Variants in PIK3R3 observed in about 807,000 individuals in gnomAD.
PIK3R3 encodes phosphoinositide-3-kinase regulatory subunit 3.
Under a neutral mutation model 62.9 loss-of-function variants are expected in PIK3R3, and 64 were observed. The observed-to-expected ratio is 1.02, with a 90% CI of 0.83 to 1.25. The LOEUF (loss-of-function observed/expected upper bound fraction) is 1.25, where lower values mean the gene tolerates loss of function less well. PIK3R3 is among the 50% of genes most tolerant of loss of function. The pLI is 0.00. For synonymous variants in PIK3R3, 165 were observed against 189.0 expected (o/e 0.87, Z 1.04); for missense variants, 614 against 561.6 (o/e 1.09, Z -0.94).
rs1321349121 is a variant in PIK3R3 at position 46,066,990 on chromosome 1, T to C, written c.416A>G (p.His139Arg). ...TFNSVVELIN[H>R]YHHESLAQYN... ...CTGAGCAAGAGATTCATGGTGATAG[T>C]GGTTAATGAGCTCCACCACGGAATT... The change falls in exon 4 of 10, where the codon CAC becomes CGC. Residue 139 changes from histidine to arginine, a missense_variant. Physicochemically the swap from His to Arg is conservative, Grantham distance 29 (BLOSUM62 0). Coordinates refer to ENST00000262741, the MANE Select transcript of PIK3R3 (RefSeq NM_003629.4). 1.9e-6 allele frequency: 3 copies of C among 1,610,506 alleles called. No individual in the cohort carries two copies. The highest frequency in any genetic ancestry group is 2.5e-6 in the Non-Finnish European group (3 of 1,178,420).
intron 3 of PIK3R3, among the ~76,000 whole-genome samples, chr1:46,074,772 G>A (rs144238062): frequency 2.3e-4 from 35 of 152,230 alleles, no homozygotes; most frequent in African/African-American, 8.4e-4. Flanking sequence ...CCTCATCAGG[G>A]TCTTCCCACA....
chr1:46,147,602 G>A, the PIK3R3 span, among the ~76,000 whole-genome samples: 1 of 151,682 alleles, frequency 6.6e-6, no homozygotes, highest in Admixed American at 6.6e-5. Flanking sequence ...TGTATTTTTA[G>A]TAGAGACGGA....
chr1:46,171,845 C>T, the PIK3R3 span, among the ~76,000 whole-genome samples: 2 of 152,128 alleles, frequency 1.3e-5, no homozygotes, highest in African/African-American at 2.4e-5. Context: ...CTGCCTCTAG[C>T]CCAGAGCTGT....
At chr1:46,071,675 A>T (rs993650652) in intron 3 of PIK3R3, among the ~76,000 whole-genome samples, 6 of 133,110 alleles carry the variant, frequency 4.5e-5, no homozygotes, top group African/African-American at 1.8e-4. Context: ...TAGCCTGAGC[A>T]ACAGAGCAAG....
chr1:46,103,154 G>T (rs1188344896), intron 1 of PIK3R3, among the ~76,000 whole-genome samples: 1 of 152,148 alleles, frequency 6.6e-6, no homozygotes, highest in Admixed American at 6.5e-5. Flanking sequence ...GGTTACCAGG[G>T]GTTGCGTGAT....
chr1:46,087,065 A>G (rs970990795), intron 1 of PIK3R3, among the ~76,000 whole-genome samples: 1 of 152,208 alleles, frequency 6.6e-6, no homozygotes, highest in Admixed American at 6.5e-5. Context: ...GGAACTGAAC[A>G]ATGAGAATAC....
At position 46,046,555 on chromosome 1, in the gene PIK3R3, C is replaced by G. The variant is rs144808211; in HGVS notation, c.1012G>C (p.Asp338His). 3 of 1,606,900 alleles carry G rather than the reference C, an allele frequency of 1.9e-6. No individual in the cohort carries two copies. The African/African-American group carries it at 4.0e-5, about 21-fold the overall frequency. ...AAAGGTATAGAGAGAACTTACTCAT[C>G]AGCATCCTCATTCTTAATTCCCAGC... ...VWLGIKNEDA[D>H]ENYFINEEDE... Residue 338 changes from aspartate to histidine, a missense_variant, in exon 8 of 10, where the codon GAT becomes CAT. Coordinates refer to ENST00000262741, the MANE Select transcript of PIK3R3 (RefSeq NM_003629.4).
the PIK3R3 span, among the ~76,000 whole-genome samples, chr1:46,141,674 A>T: frequency 5.9e-5 from 9 of 152,344 alleles, no homozygotes; most frequent in African/African-American, 2.2e-4. Context: ...ATAGTGCTCA[A>T]ACCTATAAAA....
chr1:46,114,201 C>A (rs1267138265), intron 1 of PIK3R3, among the ~76,000 whole-genome samples: 1 of 152,140 alleles, frequency 6.6e-6, no homozygotes. Context: ...ACGTGCCCAC[C>A]CTTAAACCAA....
intron 4 of PIK3R3, among the ~76,000 whole-genome samples, chr1:46,066,495 A>G (rs1000836799): frequency 6.6e-6 from 1 of 152,234 alleles, no homozygotes; most frequent in African/African-American, 2.4e-5. Flanking sequence ...ACAGAAGGGT[A>G]GCCACAAAAT....
chr1:46,143,899 A>G, the PIK3R3 span, among the ~76,000 whole-genome samples: 7 of 152,128 alleles, frequency 4.6e-5, no homozygotes, highest in Admixed American at 2.0e-4. Flanking sequence ...TACATTTTCT[A>G]TCTCACTGTT....
rs1310524409 is a variant in PIK3R3, at chr1:46,080,623, A to T, written c.215+19T>A. The stretch of plus-strand genomic sequence containing the variant: ...ACTTTTTAAAAAACTGCATTCAATT[A>T]CAGTAGCATTCTAGTTACCTTGAAA... On this transcript the variant is annotated intron_variant, in intron 2 of 9. Transcript: ENST00000262741. 2 of 1,462,538 alleles carry T rather than the reference A, an allele frequency of 1.4e-6. No individual in the cohort carries two copies. The highest frequency in any genetic ancestry group is 1.2e-5 in the South Asian group (1 of 85,606). 90.6% of individuals were successfully genotyped at this position (1,462,538 alleles called of 1,614,324 possible).
At chr1:46,145,148 A>G in the PIK3R3 span, among the ~76,000 whole-genome samples, 10 of 150,664 alleles carry the variant, frequency 6.6e-5, no homozygotes, top group South Asian at 2.1e-3. Flanking sequence ...AAAGAAGAAG[A>G]CTGGGTTAAA....
Position 46,046,586 on chromosome 1 carries a change from A to G in PIK3R3, c.981T>C (p.Asn327=), listed in dbSNP as rs750132540. ...CCTCATTCTTAATTCCCAGCCAGAC[A>G]TTCAGGCGTTTCTGTCTCACTCCTT... is the stretch of plus-strand genomic sequence containing the variant. ...NHKGVRQKRL[N]VWLGIKNEDA... is the part of the protein sequence containing the mutation. Residue 327 remains asparagine, a synonymous_variant, in exon 8 of 10, where the codon AAT becomes AAC. Transcript: ENST00000262741. 30 of 1,613,614 alleles carry G rather than the reference A, an allele frequency of 1.9e-5. No individual in the cohort carries two copies. The highest frequency in any genetic ancestry group is 3.4e-6 in the Non-Finnish European group (4 of 1,179,626).
intron 1 of PIK3R3, among the ~76,000 whole-genome samples, chr1:46,116,180 T>C (rs775683844): frequency 3.3e-5 from 5 of 152,096 alleles, no homozygotes; most frequent in Non-Finnish European, 5.9e-5. Context: ...TGGGACGCTA[T>C]GGAGATGAGC....
chr1:46,125,890 A>G (rs1019121908), intron 1 of PIK3R3, among the ~76,000 whole-genome samples: 2 of 151,790 alleles, frequency 1.3e-5, no homozygotes, highest in African/African-American at 4.8e-5. Context: ...CCTCCCGAGT[A>G]GCTGGGACTA....
intron 1 of PIK3R3, among the ~76,000 whole-genome samples, chr1:46,093,502 G>T (rs889038567): frequency 2.6e-5 from 4 of 152,076 alleles, no homozygotes; most frequent in Non-Finnish European, 4.4e-5. Flanking sequence ...TCTTTGATAT[G>T]AAAATGCTCA....
chr1:46,169,376 T>G, the PIK3R3 span, among the ~76,000 whole-genome samples: 2 of 152,146 alleles, frequency 1.3e-5, no homozygotes, highest in African/African-American at 4.8e-5. Context: ...CATTGACACA[T>G]TTAGGATGTC....
chr1:46,169,222 C>G, the PIK3R3 span, among the ~76,000 whole-genome samples: 1 of 149,356 alleles, frequency 6.7e-6, no homozygotes, highest in Non-Finnish European at 1.5e-5. Flanking sequence ...GATTCCAGTT[C>G]TGTTACTCCC....
Sources: gnomAD v4.1 joint callset for allele counts (sites outside exome capture counted in the v4.1 genomes callset) on GRCh38, gnomAD v4.1.1 for gene constraint, MANE v1.5 for transcripts, NCBI Gene and HGNC (gene_info 2026-07-23, HGNC 2026-07-21) for gene names.